MEF2A: variants seen among roughly 807,000 people sequenced by gnomAD.
MEF2A encodes the protein myocyte-specific enhancer factor 2A.
In MEF2A, 28 loss-of-function variants were observed where a neutral mutation model predicts 55.8. That is an observed-to-expected ratio of 0.50 (90% CI 0.37 to 0.69). The LOEUF is 0.69. Ranked by LOEUF, MEF2A falls within the 30% of genes least tolerant of loss-of-function variation. The pLI is 0.00. For missense variants in MEF2A, 528 were observed against 626.2 expected (o/e 0.84, Z 1.67); for synonymous variants, 239 against 227.1 (o/e 1.05, Z -0.47).
At chr15:99,710,537 C>T in intron 10 of MEF2A, 97 bp from the exon 11 acceptor site, 2 of 1,482,360 alleles carry the variant, frequency 1.3e-6, no homozygotes, top group Middle Eastern at 1.8e-4. Context: ...GCCAGCATGG[C>T]TGGCCTCAAT....
At chr15:99,607,873 TA>T (rs1975718835) in intron 2 of MEF2A, among the ~76,000 whole-genome samples, 1 of 152,232 alleles carries the variant, frequency 6.6e-6, no homozygotes, top group African/African-American at 2.4e-5. Flanking sequence ...ATGATTTTCG[TA>T]ATACTATGCT....
At chr15:99,595,191 T>G (rs1021925345) in intron 1 of MEF2A, among the ~76,000 whole-genome samples, 1 of 152,190 alleles carries the variant, frequency 6.6e-6, no homozygotes, top group African/African-American at 2.4e-5. Flanking sequence ...ATAATGAGGT[T>G]GTTGTTGGCA....
chr15:99,648,052 A>G (rs763335974), intron 4 of MEF2A, among the ~76,000 whole-genome samples: 1 of 152,166 alleles, frequency 6.6e-6, no homozygotes, highest in Admixed American at 6.6e-5. Flanking sequence ...TAATGCATCT[A>G]TACAGTTTGC....
chr15:99,679,820 A>G (rs1183041368), intron 7 of MEF2A, among the ~76,000 whole-genome samples: 1 of 152,260 alleles, frequency 6.6e-6, no homozygotes, highest in Non-Finnish European at 1.5e-5. Context: ...TAATAAAGGA[A>G]CTATAACAAC....
chr15:99,711,326 G>A (rs1011139005), intron 11 of MEF2A, among the ~76,000 whole-genome samples: 4 of 152,224 alleles, frequency 2.6e-5, no homozygotes, highest in African/African-American at 9.7e-5. Flanking sequence ...CATAGGATTT[G>A]TGTGACTGAT....
chr15:99,641,974 T>G (rs1395532223), intron 3 of MEF2A, among the ~76,000 whole-genome samples: 3 of 152,246 alleles, frequency 2.0e-5, no homozygotes, highest in Admixed American at 6.5e-5. Flanking sequence ...GACTGGTTTT[T>G]TTTGTTTGTT....
chr15:99,650,494 A>G (rs1025673250), intron 4 of MEF2A, among the ~76,000 whole-genome samples: 2 of 152,232 alleles, frequency 1.3e-5, no homozygotes, highest in African/African-American at 4.8e-5. Flanking sequence ...CATTTGAATT[A>G]TCTTATTGAA....
intron 2 of MEF2A, among the ~76,000 whole-genome samples, chr15:99,625,799 C>A (rs2041956459): frequency 6.6e-6 from 1 of 151,980 alleles, no homozygotes; most frequent in South Asian, 2.1e-4. Flanking sequence ...GTTGAAACAT[C>A]CTTGCGTTGC....
At chr15:99,676,736 AT>A (rs940081853) in intron 7 of MEF2A, among the ~76,000 whole-genome samples, 1 of 151,934 alleles carries the variant, frequency 6.6e-6, no homozygotes, top group Non-Finnish European at 1.5e-5. Flanking sequence ...CGCCGGGCTA[AT>A]TTTTTTGTAT....
At chr15:99,624,294 TC>T (rs1322550330) in intron 2 of MEF2A, among the ~76,000 whole-genome samples, 1 of 152,228 alleles carries the variant, frequency 6.6e-6, no homozygotes, top group Non-Finnish European at 1.5e-5. Flanking sequence ...CTGTATGTTT[TC>T]TAAGAGTTTA....
chr15:99,569,249 C>A (rs1961041267), intron 1 of MEF2A, among the ~76,000 whole-genome samples: 1 of 152,204 alleles, frequency 6.6e-6, no homozygotes, highest in African/African-American at 2.4e-5. Flanking sequence ...TGTAAAAGTT[C>A]TAACACACTG....
chr15:99,606,244 T>G (rs781448649), intron 2 of MEF2A, among the ~76,000 whole-genome samples: 1 of 152,086 alleles, frequency 6.6e-6, no homozygotes, highest in Non-Finnish European at 1.5e-5. Flanking sequence ...AAACATCAGT[T>G]TAAGAATGAT....
chr15:99,633,232 A>G (rs909476753), intron 3 of MEF2A, 59 bp downstream of exon 3: 1 of 1,210,014 alleles, frequency 8.3e-7, no homozygotes, highest in African/African-American at 1.6e-5. Context: ...AAAAGAACAT[A>G]GGACAGAATG....
In MEF2A at chr15:99,585,182, A is replaced by G. The variant is rs1006998823; in HGVS notation, c.-224-13248A>G. Among the ~76,000 whole-genome samples the G allele has an allele frequency of 2.8e-4, 43 of 152,192 alleles. 2 individuals carry two copies. The highest frequency in any genetic ancestry group is 2.0e-3 in the Admixed American group (30 of 15,274). Reference sequence around the variant, plus strand: ...CATTCTCTTATCTGTATTTTTTAATATTAAATTCAGATGCTTTCCTATTTT... The same window carrying G: ...CATTCTCTTATCTGTATTTTTTAATGTTAAATTCAGATGCTTTCCTATTTT... On this transcript the variant is annotated intron_variant, in intron 1 of 11. Transcript: ENST00000557942.
chr15:99,691,970 A>AG (rs1351164413), intron 8 of MEF2A, among the ~76,000 whole-genome samples: 2 of 152,182 alleles, frequency 1.3e-5, no homozygotes, highest in African/African-American at 2.4e-5. Flanking sequence ...TAGAAAAAAA[A>AG]CTAGAATATA....
chr15:99,645,648 T>A lies in MEF2A; in HGVS notation c.142T>A (p.Phe48Ile). ...LCDCEIALII[F>I]NSSNKLFQYA... ...TGACTGTGAAATAGCACTCATCATT[T>A]TCAACAGCTCTAACAAACTGTTTCA... The change falls in exon 4 of 12, where the codon TTC becomes ATC. Residue 48 changes from phenylalanine (F) to isoleucine (I), a missense_variant. Phe to Ile is a conservative substitution (Grantham distance 21). Around this residue, in one of 2 missense-constraint regions of MEF2A, gnomAD observed 78 missense variants for 150.9 expected, o/e 0.52. Coordinates refer to ENST00000557942, the MANE Select transcript of MEF2A (RefSeq NM_001319206.4). 1 of 1,613,758 alleles carries A rather than the reference T, an allele frequency of 6.2e-7. No homozygotes were observed. Among genetic ancestry groups the A allele is most frequent in the Non-Finnish European group, 8.5e-7 (1 of 1,179,706 alleles).
At chr15:99,627,118 G>A (rs1040067610) in intron 2 of MEF2A, among the ~76,000 whole-genome samples, 1 of 152,042 alleles carries the variant, frequency 6.6e-6, no homozygotes, top group Admixed American at 6.5e-5. Context: ...TGGAGGCAAG[G>A]GGTTGGAGCC....
intron 2 of MEF2A, among the ~76,000 whole-genome samples, chr15:99,605,026 A>T (rs866538102): frequency 5.9e-5 from 9 of 151,958 alleles, no homozygotes; most frequent in Non-Finnish European, 8.8e-5. Context: ...GCTCACTGCA[A>T]CCTCCACCTC....
At chr15:99,582,385 C>T (rs781254239) in intron 1 of MEF2A, among the ~76,000 whole-genome samples, 27 of 152,134 alleles carry the variant, frequency 1.8e-4, no homozygotes, top group Non-Finnish European at 3.2e-4. Flanking sequence ...ATTTCCTTTC[C>T]CAGGCCAGAC....
Sources: gnomAD v4.1 joint callset for allele counts (sites outside exome capture counted in the v4.1 genomes callset) on GRCh38, gnomAD v4.1.1 for gene constraint, gnomAD v4.1.1 regional missense constraint, MANE v1.5 for transcripts, NCBI Gene and HGNC (gene_info 2026-07-23, HGNC 2026-07-21) for gene names.